The following UBE3D variants were observed in gnomAD, a reference collection of about 807,000 sequenced individuals.
UBE3D encodes ubiquitin protein ligase E3D.
A neutral mutation model predicts 49.6 loss-of-function variants in UBE3D; 48 were observed. That is an observed-to-expected ratio of 0.97 (90% confidence interval 0.77 to 1.23). The LOEUF (loss-of-function observed/expected upper bound fraction) is 1.23, where lower values mean the gene tolerates loss of function less well. UBE3D is among the 50% of genes most tolerant of loss of function. The pLI, the probability that UBE3D is intolerant of heterozygous loss-of-function variation, is 0.00. For missense variants in UBE3D, 452 were observed against 468.4 expected (o/e 0.96, Z 0.32); for synonymous variants, 189 against 174.2 (o/e 1.08, Z -0.67).
intron 8 of UBE3D, among the ~76,000 whole-genome samples, chr6:82,962,032 AC>A (rs1441718978): frequency 6.6e-6 from 1 of 151,572 alleles, no homozygotes; most frequent in East Asian, 1.9e-4. Flanking sequence ...TTAAAACTTG[AC>A]TAGGAAAGGT....
chr6:83,049,003 C>T (rs1408535080), intron 3 of UBE3D, among the ~76,000 whole-genome samples: 1 of 152,008 alleles, frequency 6.6e-6, no homozygotes, highest in Non-Finnish European at 1.5e-5. Context: ...AACACAAATT[C>T]ACAATAAATT....
At chr6:82,944,035 G>C (rs1775221445) in intron 9 of UBE3D, among the ~76,000 whole-genome samples, 1 of 152,018 alleles carries the variant, frequency 6.6e-6, no homozygotes, top group Admixed American at 6.6e-5. Flanking sequence ...AAAAAAACTT[G>C]AAACAACCTA....
intron 9 of UBE3D, among the ~76,000 whole-genome samples, chr6:82,927,005 C>T (rs961548177): frequency 2.6e-5 from 4 of 152,064 alleles, no homozygotes; most frequent in African/African-American, 9.7e-5. Context: ...GTCTGTGATC[C>T]ATTCTGAACT....
intron 8 of UBE3D, among the ~76,000 whole-genome samples, chr6:82,976,942 G>A (rs1374860502): frequency 1.3e-5 from 2 of 151,554 alleles, no homozygotes; most frequent in South Asian, 2.1e-4. Flanking sequence ...GTGAAACCCC[G>A]TCTCTACCAA....
At position 83,043,534 on chromosome 6, in the gene UBE3D, C is replaced by T. The variant is rs140318169; in HGVS notation, c.597+894G>A. Among the ~76,000 whole-genome samples the T allele has an allele frequency of 3.5e-4, 53 of 152,224 alleles. No individual in the cohort carries two copies. The East Asian group carries it at 8.5e-3, about 24-fold the overall frequency. On this transcript the variant is annotated intron_variant, in intron 4 of 9. Transcript: ENST00000369747. ...ACAACAACTTAACCTCCACATTTGACGAATTTCCTTCATCTCCCTCAGAAT... is the reference window on the plus strand; with the variant it reads ...ACAACAACTTAACCTCCACATTTGATGAATTTCCTTCATCTCCCTCAGAAT...
At chr6:82,948,611 A>G (rs957790218) in intron 9 of UBE3D, among the ~76,000 whole-genome samples, 11 of 152,040 alleles carry the variant, frequency 7.2e-5, no homozygotes, top group Admixed American at 1.3e-4. Flanking sequence ...ATTTAGAATT[A>G]TCAATAAAAT....
At chr6:82,979,744 C>G (rs1777980513) in intron 8 of UBE3D, among the ~76,000 whole-genome samples, 1 of 151,820 alleles carries the variant, frequency 6.6e-6, no homozygotes, top group Admixed American at 6.6e-5. Context: ...TTCTCATTAC[C>G]CCCCTCACAC....
chr6:82,990,461 A>G (rs1452901309), intron 8 of UBE3D, among the ~76,000 whole-genome samples: 2 of 151,860 alleles, frequency 1.3e-5, no homozygotes, highest in Non-Finnish European at 2.9e-5. Context: ...TATTTTTAGT[A>G]GAGACACGGT....
At position 82,999,774 on chromosome 6, in the gene UBE3D, G is replaced by T. The variant is rs181776374; in HGVS notation, c.1010+19199C>A. On this transcript the variant is annotated intron_variant, in intron 8 of 9. Transcript: ENST00000369747. ...CCATCCCCTTCCTCTCTGTTCTGCC[G>T]TTCACAGCCAAACTTCCTGAAACAG... Among the ~76,000 whole-genome samples, 128 of 152,036 alleles carry T rather than the reference G, an allele frequency of 8.4e-4. 1 individual carries two copies. Among genetic ancestry groups the T allele is most frequent in the African/African-American group, 3.0e-3 (124 of 41,472 alleles).
rs1490039685 is a variant in UBE3D at position 83,044,543 on chromosome 6, C to T, written c.482G>A (p.Cys161Tyr). The T allele has an allele frequency of 6.2e-7, 1 of 1,614,130 alleles. No homozygotes were observed. The highest frequency in any genetic ancestry group is 2.2e-5 in the East Asian group (1 of 44,888). The change falls in exon 4 of 10, where the codon TGT (cysteine) becomes TAT (tyrosine). Residue 161 changes from cysteine (C) to tyrosine (Y), a missense_variant. Physicochemically the swap from Cys to Tyr is radical, Grantham distance 194. Transcript: ENST00000369747. ...CAAGAAGAAAGAGTCTCCAATAAAA[C>T]AGTCATTCTCTTGCGGATGAAGTGA... ...NKSLHPQEND[C>Y]FIGDSFFLVN... is the part of the protein sequence containing the mutation.
chr6:82,934,879 G>A (rs1774433648), intron 9 of UBE3D, among the ~76,000 whole-genome samples: 1 of 84,170 alleles, frequency 1.2e-5, no homozygotes, highest in Non-Finnish European at 2.7e-5. Flanking sequence ...AATTTATTCT[G>A]ATACAGCTCT....
intron 7 of UBE3D, among the ~76,000 whole-genome samples, chr6:83,020,733 C>T (rs764234148): frequency 6.6e-6 from 1 of 152,142 alleles, no homozygotes; most frequent in Non-Finnish European, 1.5e-5. Flanking sequence ...ATTAGAAAAG[C>T]ATAGTGTCCC....
intron 3 of UBE3D, 44 bp downstream of exon 3, chr6:83,054,104 C>A (rs765046396): frequency 2.7e-6 from 4 of 1,491,178 alleles, no homozygotes; most frequent in Admixed American, 1.7e-5. Context: ...AAGAGATAAC[C>A]ATTGCCAGGC....
chr6:82,904,594 T>C (rs535704883), intron 9 of UBE3D, among the ~76,000 whole-genome samples: 24 of 152,328 alleles, frequency 1.6e-4, no homozygotes, highest in Admixed American at 4.6e-4. Flanking sequence ...GATGAGGCCT[T>C]TGATAAATGG....
At chr6:82,974,800 T>A (rs966468302) in intron 8 of UBE3D, among the ~76,000 whole-genome samples, 3 of 151,864 alleles carry the variant, frequency 2.0e-5, no homozygotes, top group Admixed American at 6.6e-5. Flanking sequence ...AAAAAACTTG[T>A]ACTCTTTTAA....
chr6:83,047,699 T>G (rs780768802), intron 3 of UBE3D, among the ~76,000 whole-genome samples: 1 of 152,142 alleles, frequency 6.6e-6, no homozygotes, highest in Non-Finnish European at 1.5e-5. Context: ...TAAACACACC[T>G]TATTTCATTT....
intron 9 of UBE3D, among the ~76,000 whole-genome samples, chr6:82,917,300 G>A (rs1030832176): frequency 1.3e-5 from 2 of 152,112 alleles, no homozygotes; most frequent in Non-Finnish European, 2.9e-5. Flanking sequence ...ATGAACAGGA[G>A]GGGGAAGCCC....
chr6:82,920,867 T>A (rs1341756644), intron 9 of UBE3D, among the ~76,000 whole-genome samples: 2 of 151,980 alleles, frequency 1.3e-5, no homozygotes. Context: ...AAGAAAAGAT[T>A]TAACGCCCAT....
At chr6:83,007,903 C>G (rs146499587) in intron 8 of UBE3D, among the ~76,000 whole-genome samples, 2,654 of 152,168 alleles carry the variant, frequency 0.017, 45 homozygotes, top group Admixed American at 0.057. Context: ...CGAGATTGAC[C>G]CACTACACTC....
Sources: gnomAD v4.1 joint callset for allele counts (sites outside exome capture counted in the v4.1 genomes callset) on GRCh38, gnomAD v4.1.1 for gene constraint, MANE v1.5 for transcripts, NCBI Gene and HGNC (gene_info 2026-07-23, HGNC 2026-07-21) for gene names.